Variants in BAZ2B observed in about 807,000 individuals in gnomAD.
BAZ2B encodes bromodomain adjacent to zinc finger domain 2B.
In BAZ2B, 91 loss-of-function variants were observed where a neutral mutation model predicts 246.0. The ratio of observed to expected loss-of-function variants is 0.37; its 90% CI spans 0.31 to 0.44. The LOEUF is 0.44. BAZ2B is among the 20% of genes least tolerant of loss of function. BAZ2B has a pLI of 1.00. For synonymous variants in BAZ2B, 855 were observed against 860.0 expected (o/e 0.99, Z 0.10); for missense variants, 2,332 against 2,533.7 (o/e 0.92, Z 1.71).
At chr2:159,662,093 C>T in the BAZ2B span, among the ~76,000 whole-genome samples, 1 of 152,218 alleles carries the variant, frequency 6.6e-6, no homozygotes, top group African/African-American at 2.4e-5. Flanking sequence ...TGGAATCATA[C>T]AACATGTGGC....
chr2:159,397,411 A>T, intron 18 of BAZ2B, 22 bp from the exon 19 acceptor site: 2 of 1,456,698 alleles, frequency 1.4e-6, no homozygotes, highest in South Asian at 2.5e-5. Flanking sequence ...GAAACTTTTA[A>T]TACGTGATTT....
intron 2 of BAZ2B, among the ~76,000 whole-genome samples, chr2:159,509,418 T>C (rs1477117841): frequency 2.0e-5 from 3 of 152,186 alleles, no homozygotes; most frequent in Non-Finnish European, 4.4e-5. Context: ...AAGGCTTAAT[T>C]ATTTTTTAAA....
chr2:159,535,961 C>A (rs2085930549), intron 2 of BAZ2B, among the ~76,000 whole-genome samples: 1 of 152,154 alleles, frequency 6.6e-6, no homozygotes, highest in Admixed American at 6.5e-5. Flanking sequence ...AGTTCTCATA[C>A]ATTAATGCTT....
chr2:159,336,894 C>G, intron 33 of BAZ2B, 48 bp downstream of exon 33: 1 of 1,456,680 alleles, frequency 6.9e-7, no homozygotes, highest in South Asian at 1.3e-5. Flanking sequence ...TTGGAAGAAA[C>G]AGGACAAAGT....
intron 1 of BAZ2B, among the ~76,000 whole-genome samples, chr2:159,572,171 A>T (rs1019982702): frequency 4.6e-5 from 7 of 152,184 alleles, no homozygotes; most frequent in African/African-American, 1.7e-4. Context: ...TATGCTCAGG[A>T]TCCTATTACA....
Position 159,412,390 on chromosome 2 carries a change from A to G in BAZ2B, c.2622T>C (p.Asn874=). Residue 874 remains asparagine (N), a synonymous_variant, in exon 14 of 37, where the codon AAT becomes AAC. Coordinates refer to ENST00000392783, the MANE Select transcript of BAZ2B (RefSeq NM_013450.4). ...RRKGRPPNVG[N]AEFLDNADAK... is the part of the protein sequence containing the mutation. ...CATCTGCGTTATCTAGGAATTCAGC[A>G]TTGCCAACATTTGGAGGTCGACCTT... is the stretch of plus-strand genomic sequence containing the variant. The G allele has an allele frequency of 6.2e-7, 1 of 1,614,136 alleles. No individual in the cohort carries two copies. Among genetic ancestry groups the G allele is most frequent in the Non-Finnish European group, 8.5e-7 (1 of 1,180,010 alleles).
Position 159,431,174 on chromosome 2 carries a change from C to A in BAZ2B, c.1901-18G>T. The A allele has an allele frequency of 1.3e-6, 2 of 1,588,882 alleles. No individual in the cohort carries two copies. Among genetic ancestry groups the A allele is most frequent in the South Asian group, 1.2e-5 (1 of 86,802 alleles). ...ATCTGATTCTGGGAAGTAAAAGAAGCATTTGTATATTATAACTAGATAATC... is the reference window on the plus strand; with the variant it reads ...ATCTGATTCTGGGAAGTAAAAGAAGAATTTGTATATTATAACTAGATAATC... On this transcript the variant is annotated intron_variant, in intron 9 of 36. Transcript: ENST00000392783.
chr2:159,608,242 C>T (rs1270577170), intron 1 of BAZ2B, among the ~76,000 whole-genome samples: 2 of 152,122 alleles, frequency 1.3e-5, no homozygotes, highest in Admixed American at 6.5e-5. Flanking sequence ...GGCATGGCAG[C>T]GTAAGCCTGT....
chr2:159,380,787 T>C (rs557308235), intron 25 of BAZ2B, among the ~76,000 whole-genome samples: 2 of 152,300 alleles, frequency 1.3e-5, no homozygotes, highest in East Asian at 3.9e-4. Flanking sequence ...CCCTGGTAGA[T>C]AACATTTCAT....
chr2:159,549,036 T>C (rs181322872), intron 2 of BAZ2B, among the ~76,000 whole-genome samples: 62 of 152,090 alleles, frequency 4.1e-4, no homozygotes, highest in Non-Finnish European at 7.9e-4. Flanking sequence ...TCCCAGCACT[T>C]ATGGGAGGCC....
intron 2 of BAZ2B, among the ~76,000 whole-genome samples, chr2:159,524,120 G>C (rs1471233804): frequency 6.6e-6 from 1 of 152,062 alleles, no homozygotes; most frequent in Non-Finnish European, 1.5e-5. Context: ...AATATGTGAA[G>C]AAGCCCAGTA....
chr2:159,655,232 T>C, the BAZ2B span, among the ~76,000 whole-genome samples: 3 of 152,298 alleles, frequency 2.0e-5, no homozygotes, highest in East Asian at 5.8e-4. Flanking sequence ...AAACCCTGTC[T>C]CTGCTAAAAA....
At chr2:159,438,987 C>T (rs776012446) in intron 7 of BAZ2B, 22 bp downstream of exon 7, 4 of 1,603,904 alleles carry the variant, frequency 2.5e-6, no homozygotes, top group Non-Finnish European at 3.4e-6. Context: ...TGTTTGGATA[C>T]TGTCCATGAA....
At chr2:159,500,752 G>A (rs1313282020) in intron 2 of BAZ2B, among the ~76,000 whole-genome samples, 7 of 152,004 alleles carry the variant, frequency 4.6e-5, no homozygotes, top group Non-Finnish European at 7.4e-5. Flanking sequence ...TCAGGAATTC[G>A]AGACCAGCCT....
At chr2:159,570,187 T>G (rs60343914) in intron 1 of BAZ2B, among the ~76,000 whole-genome samples, 1,550 of 151,728 alleles carry the variant, frequency 0.01, 21 homozygotes, top group African/African-American at 0.027. Flanking sequence ...TTTTTGTTTT[T>G]TTTGTTTTTT....
chr2:159,380,772 A>G (rs2061910598), intron 25 of BAZ2B, among the ~76,000 whole-genome samples: 1 of 152,136 alleles, frequency 6.6e-6, no homozygotes, highest in Non-Finnish European at 1.5e-5. Flanking sequence ...GTCTCTAATG[A>G]GCTTCCCTGG....
chr2:159,644,689 T>C, the BAZ2B span, among the ~76,000 whole-genome samples: 65 of 152,342 alleles, frequency 4.3e-4, no homozygotes, highest in African/African-American at 1.4e-3. Context: ...CAGTTCAAAC[T>C]GGCAGTGTCT....
chr2:159,519,214 T>TC, intron 2 of BAZ2B, among the ~76,000 whole-genome samples: 1 of 26,478 alleles, frequency 3.8e-5, no homozygotes, highest in Non-Finnish European at 1.0e-4. Flanking sequence ...TATTTTCTTT[T>TC]TTTTTTTTTT....
chr2:159,353,305 C>T (rs1476783432), intron 27 of BAZ2B, among the ~76,000 whole-genome samples: 1 of 152,146 alleles, frequency 6.6e-6, no homozygotes, highest in African/African-American at 2.4e-5. Flanking sequence ...TATGAAACAA[C>T]CAGAAACAGA....
Sources: gnomAD v4.1 joint callset for allele counts (sites outside exome capture counted in the v4.1 genomes callset) on GRCh38, gnomAD v4.1.1 for gene constraint, MANE v1.5 for transcripts, NCBI Gene and HGNC (gene_info 2026-07-23, HGNC 2026-07-21) for gene names.